UNC80: variants seen among roughly 807,000 people sequenced by gnomAD.
UNC80 encodes protein unc-80 homolog.
A neutral mutation model predicts 384.6 loss-of-function variants in UNC80; 164 were observed. That is an observed-to-expected ratio of 0.43 (90% CI 0.38 to 0.49). The LOEUF is 0.49. UNC80 is among the 20% of genes least tolerant of loss of function. The pLI, the probability that UNC80 is intolerant of heterozygous loss-of-function variation, is 0.00. For missense variants in UNC80, 3,330 were observed against 4,143.0 expected (o/e 0.80, Z 5.39); for synonymous variants, 1,486 against 1,527.8 (o/e 0.97, Z 0.64).
At chr2:209,985,011 C>A in intron 61 of UNC80, 99 bp downstream of exon 61, 1 of 1,036,522 alleles carries the variant, frequency 9.6e-7, no homozygotes, top group South Asian at 1.6e-5. Context: ...CTTCTCGCCC[C>A]GTCTTAATAT....
chr2:209,851,649 T>C (rs939263961), intron 22 of UNC80, among the ~76,000 whole-genome samples: 3 of 152,092 alleles, frequency 2.0e-5, no homozygotes, highest in Non-Finnish European at 4.4e-5. Flanking sequence ...TGTGTTTGTA[T>C]AGTGATTTTT....
At position 209,873,069 on chromosome 2, in the gene UNC80, G is replaced by A. The variant is rs1202436191; in HGVS notation, c.3840+99G>A. 7 of 1,118,234 alleles carry A rather than the reference G, an allele frequency of 6.3e-6. No individual in the cohort carries two copies. The African/African-American group carries it at 7.8e-5, about 12-fold the overall frequency. 69.3% of individuals were successfully genotyped at this position (1,118,234 alleles called of 1,614,324 possible). A position where few individuals can be genotyped will look rare whatever the true frequency, so the allele number is the denominator to read the frequency against. On this transcript the variant is annotated intron_variant, in intron 23 of 64. Transcript: ENST00000673920. ...TTGTTTTGAAGACAATTTATTGAGT[G>A]TTTGTTATGTACCAGGTACTGAAGG...
chr2:209,842,691 T>C (rs2081855301), intron 21 of UNC80, among the ~76,000 whole-genome samples: 1 of 152,212 alleles, frequency 6.6e-6, no homozygotes. Context: ...ATCCAGCCTC[T>C]TCTGCTGTTC....
chr2:209,959,292 A>T, intron 50 of UNC80, 138 bp downstream of exon 50: 2 of 1,231,388 alleles, frequency 1.6e-6, no homozygotes, highest in South Asian at 2.7e-5. Flanking sequence ...AAGTGGGTTT[A>T]CTACAGTTTG....
chr2:209,874,583 A>C (rs1281327630), intron 23 of UNC80, among the ~76,000 whole-genome samples: 1 of 152,156 alleles, frequency 6.6e-6, no homozygotes, highest in Admixed American at 6.5e-5. Flanking sequence ...CATGCTTCAG[A>C]GTTTCCTTGC....
At chr2:209,895,231 A>C (rs1392507653) in intron 27 of UNC80, among the ~76,000 whole-genome samples, 1 of 152,242 alleles carries the variant, frequency 6.6e-6, no homozygotes, top group Admixed American at 6.5e-5. Flanking sequence ...AACATTAAAT[A>C]TTAGGTAAAA....
In UNC80 at chr2:209,776,012, A is replaced by T; in HGVS notation, c.265A>T (p.Thr89Ser). 1.9e-6 allele frequency: 3 copies of T among 1,614,150 alleles called. No homozygotes were observed. The highest frequency in any genetic ancestry group is 2.5e-6 in the Non-Finnish European group (3 of 1,179,992). Reference protein sequence around the residue: ...QAALPHVLHCTATLLSNRNKL... With the variant: ...QAALPHVLHCSATLLSNRNKL... ...TGCTTTGCCTCATGTCCTCCACTGC[A>T]CTGCAACCCTGCTTTCAAACCGAAA... Residue 89 changes from threonine (T) to serine (S), a missense_variant, in exon 3 of 65, where the codon ACT becomes TCT. Around this residue, in one of 8 missense-constraint regions of UNC80, gnomAD observed 86 missense variants for 141.5 expected, o/e 0.61. Coordinates refer to ENST00000673920, the MANE Select transcript of UNC80 (RefSeq NM_001371986.1).
At chr2:209,810,005 C>G (rs960437372) in intron 7 of UNC80, among the ~76,000 whole-genome samples, 1 of 152,214 alleles carries the variant, frequency 6.6e-6, no homozygotes, top group Non-Finnish European at 1.5e-5. Context: ...AAGGAGCCCT[C>G]AGGCCACCCT....
chr2:209,941,132 G>T, intron 43 of UNC80, 89 bp from the exon 44 acceptor site: 1 of 1,398,280 alleles, frequency 7.2e-7, no homozygotes, highest in South Asian at 1.7e-5. Context: ...AACAAACGGA[G>T]AACAGCAGCG....
chr2:209,926,780 C>CAA, intron 35 of UNC80, 63 bp from the exon 36 acceptor site: 1 of 1,535,320 alleles, frequency 6.5e-7, no homozygotes, highest in Non-Finnish European at 8.8e-7. Context: ...TATCTCAAAA[C>CAA]AACAGTAGCA....
intron 48 of UNC80, 26 bp downstream of exon 48, chr2:209,954,296 C>T (rs1482092326): frequency 2.1e-6 from 3 of 1,449,364 alleles, no homozygotes; most frequent in Admixed American, 2.8e-5. Context: ...GAAATAGCTA[C>T]AGCCTTACAT....
intron 30 of UNC80, among the ~76,000 whole-genome samples, chr2:209,913,016 T>C (rs2089129958): frequency 6.6e-6 from 1 of 152,186 alleles, no homozygotes; most frequent in Middle Eastern, 3.2e-3. Flanking sequence ...CTGCTCTGGC[T>C]CTGGGACCTT....
At chr2:209,955,734 TATATAC>T (rs1342908430) in intron 48 of UNC80, among the ~76,000 whole-genome samples, 138 of 64,008 alleles carry the variant, frequency 2.2e-3, no homozygotes, top group African/African-American at 0.015. Context: ...TATATATATA[TATATAC>T]ACACACACAC....
At chr2:209,803,389 A>C (rs2078682311) in intron 7 of UNC80, among the ~76,000 whole-genome samples, 1 of 152,240 alleles carries the variant, frequency 6.6e-6, no homozygotes, top group Admixed American at 6.5e-5. Context: ...TGATGACAAC[A>C]AAGTTATCAA....
intron 22 of UNC80, among the ~76,000 whole-genome samples, chr2:209,867,425 A>G (rs2083927955): frequency 6.6e-6 from 1 of 152,022 alleles, no homozygotes; most frequent in Non-Finnish European, 1.5e-5. Flanking sequence ...GCTGGGGGGC[A>G]TGGAATTAGC....
intron 31 of UNC80, among the ~76,000 whole-genome samples, chr2:209,916,041 CA>C (rs1559323744): frequency 6.6e-6 from 1 of 151,732 alleles, no homozygotes; most frequent in African/African-American, 2.4e-5. Context: ...TAATTTTTTT[CA>C]AAAAGAAATA....
chr2:209,959,373 A>G lies in UNC80; in HGVS notation c.7587-116A>G, dbSNP rs559336932. On this transcript the variant is annotated intron_variant, in intron 50 of 64. Coordinates refer to ENST00000673920, the MANE Select transcript of UNC80 (RefSeq NM_001371986.1). The stretch of plus-strand genomic sequence containing the variant: ...ATGAGGTTCTCCTTGGCCTCACCCT[A>G]CTGATTCATTAACTCATTAGGAATC... The G allele has an allele frequency of 5.1e-4, 580 of 1,143,480 alleles. 2 individuals are homozygous for G. Among genetic ancestry groups the G allele is most frequent in the Admixed American group, 9.7e-4 (42 of 43,288 alleles). 70.8% of individuals were successfully genotyped at this position (1,143,480 alleles called of 1,614,324 possible).
chr2:209,864,279 C>A (rs2083552139), intron 22 of UNC80, among the ~76,000 whole-genome samples: 1 of 152,054 alleles, frequency 6.6e-6, no homozygotes, highest in Non-Finnish European at 1.5e-5. Context: ...AGGATCACCC[C>A]TTTATAGGGT....
chr2:209,793,896 T>C (rs1339038401), intron 7 of UNC80, 37 bp downstream of exon 7: 4 of 1,608,620 alleles, frequency 2.5e-6, no homozygotes, highest in Non-Finnish European at 1.7e-6. Flanking sequence ...AATGTGTCAC[T>C]GGTCACCAAA....
Sources: allele counts gnomAD v4.1 joint callset (sites outside exome capture counted in the v4.1 genomes callset), GRCh38; gene constraint gnomAD v4.1.1; regional missense constraint gnomAD v4.1.1; transcripts MANE v1.5; gene names NCBI Gene and HGNC (gene_info 2026-07-23, HGNC 2026-07-21).